Variants in LRP11 observed in about 807,000 individuals in gnomAD.
The protein encoded by LRP11 is low-density lipoprotein receptor-related protein 11.
LRP11 carries 25 observed loss-of-function variants against 43.1 expected under a neutral mutation model. The ratio of observed to expected loss-of-function variants is 0.58; its 90% confidence interval spans 0.42 to 0.81. The LOEUF is 0.81. Ranked by LOEUF, LRP11 falls within the 30% of genes least tolerant of loss-of-function variation. The pLI is 0.00. For synonymous variants in LRP11, 316 were observed against 299.4 expected, an observed-to-expected ratio of 1.06 and a Z score of -0.57; for missense variants, 623 against 665.1, an observed-to-expected ratio of 0.94 and a Z score of 0.70.
At position 149,819,179 on chromosome 6, in the gene LRP11, A is replaced by T. The variant is rs922513640; in HGVS notation, c.*1370T>A. 1 of 152,164 alleles carries T rather than the reference A, an allele frequency of 6.6e-6. No homozygotes were observed. The highest frequency in any genetic ancestry group is 2.4e-5 in the African/African-American group (1 of 41,452). 9.4% of individuals were successfully genotyped at this position (152,164 alleles called of 1,614,324 possible). The stretch of plus-strand genomic sequence containing the variant: ...ACTTTCCATTTGTTCATGTATTTTG[A>T]TATGTTATATTCCCCACCCGAATTA... On this transcript the variant is annotated 3_prime_UTR_variant, in exon 7 of 7. Coordinates refer to ENST00000239367, the MANE Select transcript of LRP11 (RefSeq NM_032832.6).
chr6:149,863,483 C>A lies in LRP11; in HGVS notation c.538G>T (p.Gly180Cys), dbSNP rs1032446416. The A allele has an allele frequency of 6.0e-5, 80 of 1,342,296 alleles. No individual in the cohort carries two copies. Among genetic ancestry groups the A allele is most frequent in the Non-Finnish European group, 7.5e-5 (79 of 1,055,596 alleles). 83.1% of individuals were successfully genotyped at this position (1,342,296 alleles called of 1,614,324 possible). A position where few individuals can be genotyped will look rare whatever the true frequency, so the allele number is the denominator to read the frequency against. Residue 180 changes from glycine (G) to cysteine (C), a missense_variant, in exon 1 of 7, where the codon GGC (glycine) becomes TGC (cysteine). By Grantham distance (159) the Gly-to-Cys change is radical (BLOSUM62 -3). Coordinates refer to ENST00000239367, the MANE Select transcript of LRP11 (RefSeq NM_032832.6). ...RNVCKFALHSGYSSYSLSRAP... is the reference protein window; with the variant it reads ...RNVCKFALHSCYSSYSLSRAP... Reference sequence around the variant, plus strand: ...CGGCTGAGGCTGTAGCTGCTGTAGCCGCTGTGCAGCGCGAACTTGCAGACG... The same window carrying A: ...CGGCTGAGGCTGTAGCTGCTGTAGCAGCTGTGCAGCGCGAACTTGCAGACG...
In LRP11 at chr6:149,837,475, C is replaced by T. The variant is rs758200249; in HGVS notation, c.914-12G>A. ...AGTGTGCAAACATCCTATTTGTAAA[C>T]AAATCTCAAGTCACACGAGTGCAGA... On this transcript the variant is annotated splice_polypyrimidine_tract_variant and intron_variant, in intron 3 of 6. Transcript: ENST00000239367. 1.6e-5 allele frequency: 25 copies of T among 1,612,608 alleles called. No homozygotes were observed. Among genetic ancestry groups the T allele is most frequent in the Non-Finnish European group, 2.0e-5 (24 of 1,179,312 alleles).
chr6:149,841,279 T>TA (rs1038624462), intron 3 of LRP11, among the ~76,000 whole-genome samples: 14 of 152,300 alleles, frequency 9.2e-5, no homozygotes, highest in African/African-American at 3.4e-4. Flanking sequence ...TTTATCCTCA[T>TA]TCTGCACTCT....
chr6:149,845,379 C>T (rs936160264), intron 2 of LRP11, among the ~76,000 whole-genome samples: 2 of 152,318 alleles, frequency 1.3e-5, no homozygotes, highest in Middle Eastern at 3.4e-3. Flanking sequence ...ATTGAGACCT[C>T]GAGTTGTAAA....
At chr6:149,849,299 T>C (rs116779773) in intron 2 of LRP11, among the ~76,000 whole-genome samples, 1,735 of 152,352 alleles carry the variant, frequency 0.011, 39 homozygotes, top group African/African-American at 0.039. Context: ...GTCAGCATCA[T>C]TTAATGGGTT....
rs761563259 is a variant in LRP11, at chr6:149,843,156, C to A, written c.772-32G>T. The A allele has an allele frequency of 3.1e-6, 5 of 1,613,304 alleles. No individual in the cohort carries two copies. The Admixed American group carries it at 8.3e-5, about 27-fold the overall frequency. On this transcript the variant is annotated intron_variant, in intron 2 of 6. Transcript: ENST00000239367. ...CACAGATGGGACACATCACGTCGAG[C>A]AGCAGACTTGAGCTCCGAGCCCAAC...
At chr6:149,844,883 T>G (rs771155835) in intron 2 of LRP11, among the ~76,000 whole-genome samples, 12 of 152,238 alleles carry the variant, frequency 7.9e-5, no homozygotes, top group Non-Finnish European at 1.8e-4. Flanking sequence ...GGTTGTCATA[T>G]GTTATGCCAC....
intron 1 of LRP11, among the ~76,000 whole-genome samples, chr6:149,854,511 A>G (rs1262459100): frequency 6.6e-6 from 1 of 152,260 alleles, no homozygotes; most frequent in Non-Finnish European, 1.5e-5. Context: ...GACCGAAAGG[A>G]TAAGCTGTAC....
At chr6:149,853,298 C>T in intron 1 of LRP11, 138 bp from the exon 2 acceptor site, 1 of 709,788 alleles carries the variant, frequency 1.4e-6, no homozygotes. Context: ...AATTATTTTT[C>T]TATTTATTTT....
At chr6:149,837,504 T>C (rs1255245275) in intron 3 of LRP11, 41 bp from the exon 4 acceptor site, 1 of 1,600,646 alleles carries the variant, frequency 6.2e-7, no homozygotes, top group East Asian at 2.2e-5. Context: ...GTGCAGAAGT[T>C]CAGACTCTCA....
chr6:149,850,074 G>A (rs929780316), intron 2 of LRP11, among the ~76,000 whole-genome samples: 33 of 152,148 alleles, frequency 2.2e-4, no homozygotes, highest in Admixed American at 2.2e-3. Context: ...AGAAGAGGAG[G>A]AGATGGGCGC....
intron 2 of LRP11, among the ~76,000 whole-genome samples, chr6:149,847,168 G>C (rs1234175233): frequency 6.6e-6 from 1 of 152,138 alleles, no homozygotes; most frequent in East Asian, 1.9e-4. Flanking sequence ...AAACTCTGCA[G>C]GCCTGCGGTT....
At chr6:149,860,547 C>G (rs1477188518) in intron 1 of LRP11, among the ~76,000 whole-genome samples, 1 of 152,100 alleles carries the variant, frequency 6.6e-6, no homozygotes, top group African/African-American at 2.4e-5. Flanking sequence ...AAAGCATGTC[C>G]CCCCTTGAAC....
chr6:149,843,422 G>A (rs942458615), intron 2 of LRP11, among the ~76,000 whole-genome samples: 4 of 152,126 alleles, frequency 2.6e-5, no homozygotes, highest in African/African-American at 9.7e-5. Flanking sequence ...AGGCCCTGCC[G>A]TCTCAGCAGG....
At chr6:149,834,248 G>C (rs1004154288) in intron 5 of LRP11, among the ~76,000 whole-genome samples, 3 of 152,208 alleles carry the variant, frequency 2.0e-5, no homozygotes, top group East Asian at 3.9e-4. Context: ...GGACCAATGA[G>C]TGACACCTAG....
At chr6:149,847,413 G>C (rs1291371876) in intron 2 of LRP11, among the ~76,000 whole-genome samples, 1 of 152,164 alleles carries the variant, frequency 6.6e-6, no homozygotes, top group African/African-American at 2.4e-5. Flanking sequence ...TTTAGCTAAC[G>C]AGAGCTGTCT....
At chr6:149,856,717 G>A (rs1255123644) in intron 1 of LRP11, among the ~76,000 whole-genome samples, 1 of 152,184 alleles carries the variant, frequency 6.6e-6, no homozygotes, top group Non-Finnish European at 1.5e-5. Context: ...AGCAAATCAA[G>A]GTGGCATTTT....
rs1776254775 is a variant in LRP11, at chr6:149,819,820, T to A, written c.*729A>T. 1 of 152,242 alleles carries A rather than the reference T, an allele frequency of 6.6e-6. No individual in the cohort carries two copies. Among genetic ancestry groups the A allele is most frequent in the African/African-American group, 2.4e-5 (1 of 41,456 alleles). The allele number at this position is 152,242 out of a possible 1,614,324, so 9.4% of individuals were successfully genotyped here. On this transcript the variant is annotated 3_prime_UTR_variant, in exon 7 of 7. Coordinates refer to ENST00000239367, the MANE Select transcript of LRP11 (RefSeq NM_032832.6). The stretch of plus-strand genomic sequence containing the variant: ...ACTAAGTTTCTGTTAGTTTTTGGCA[T>A]GCCAGATTCTCTGCTTCCATCTTGA...
At chr6:149,831,753 C>T (rs1024399252) in intron 5 of LRP11, among the ~76,000 whole-genome samples, 7 of 152,304 alleles carry the variant, frequency 4.6e-5, no homozygotes, top group East Asian at 3.9e-4. Flanking sequence ...ACTGCAGCCT[C>T]GACCTCCCAA....
Sources: allele counts gnomAD v4.1 joint callset (sites outside exome capture counted in the v4.1 genomes callset), GRCh38; gene constraint gnomAD v4.1.1; transcripts MANE v1.5; gene names NCBI Gene and HGNC (gene_info 2026-07-23, HGNC 2026-07-21).